Variants in STOX2 observed in about 807,000 individuals in gnomAD.
The protein encoded by STOX2 is storkhead box 2.
Under a neutral mutation model 60.9 loss-of-function variants are expected in STOX2, and 28 were observed. The ratio of observed to expected loss-of-function variants is 0.46; its 90% confidence interval spans 0.34 to 0.63. The LOEUF is 0.63. STOX2 is among the 30% of genes least tolerant of loss of function. The probability of loss-of-function intolerance (pLI) is 0.01; values close to 1 mark genes in which losing one functional copy is unlikely to be tolerated. For missense variants in STOX2, 1,024 were observed against 1,187.7 expected, an observed-to-expected ratio of 0.86 and a Z score of 2.03; for synonymous variants, 472 against 463.9, an observed-to-expected ratio of 1.02 and a Z score of -0.22.
At position 183,839,693 on chromosome 4, in the gene STOX2, A is replaced by G. The variant is rs183080924; in HGVS notation, c.364+41638A>G. On this transcript the variant is annotated intron_variant, in intron 1 of 2. Transcript: ENST00000513034. Reference sequence around the variant, plus strand: ...CTGTGTCCTCTTGACTTTGCATTTCATGTTCTTTTTCGGACATTCTGATAA... The same window carrying G: ...CTGTGTCCTCTTGACTTTGCATTTCGTGTTCTTTTTCGGACATTCTGATAA... Among the ~76,000 whole-genome samples, 4 of 152,322 alleles carry G rather than the reference A, an allele frequency of 2.6e-5. No homozygotes were observed. The East Asian group carries it at 7.7e-4, about 29-fold the overall frequency.
chr4:183,843,775 T>C (rs990707141), intron 1 of STOX2, among the ~76,000 whole-genome samples: 1 of 152,244 alleles, frequency 6.6e-6, no homozygotes. Flanking sequence ...GGTAATACCA[T>C]GAAAGAACAT....
intron 1 of STOX2, chr4:183,960,126 C>G (rs769188636): frequency 6.6e-6 from 1 of 152,226 alleles, no homozygotes; most frequent in Admixed American, 6.5e-5. Flanking sequence ...ACAAGTTCAG[C>G]AGGCTGCCAG....
At chr4:183,843,088 C>T (rs1430037689) in intron 1 of STOX2, among the ~76,000 whole-genome samples, 3 of 145,474 alleles carry the variant, frequency 2.1e-5, no homozygotes, top group Non-Finnish European at 4.4e-5. Flanking sequence ...GCAGAGGTTG[C>T]AGCGAGCCAA....
At chr4:183,824,174 T>G (rs1478263893) in intron 1 of STOX2, among the ~76,000 whole-genome samples, 2 of 152,226 alleles carry the variant, frequency 1.3e-5, no homozygotes, top group African/African-American at 4.8e-5. Context: ...AAAATAATTT[T>G]GGGATTAAAA....
chr4:183,869,888 G>A (rs1740648941), intron 1 of STOX2, among the ~76,000 whole-genome samples: 1 of 152,026 alleles, frequency 6.6e-6, no homozygotes, highest in African/African-American at 2.4e-5. Flanking sequence ...CTTCTTTTTT[G>A]TACTGTATTC....
In STOX2 at chr4:183,866,770, T is replaced by C. The variant is rs544608006; in HGVS notation, c.364+68715T>C. Among the ~76,000 whole-genome samples the C allele has an allele frequency of 2.0e-5, 3 of 152,210 alleles. No homozygotes were observed. The East Asian group carries it at 5.8e-4, about 29-fold the overall frequency. ...GGCTTATGCCTGTAGTCCCAGCACG[T>C]TGGGAGGCCAAGACGGGAGGAACAC... On this transcript the variant is annotated intron_variant, in intron 1 of 2. Transcript: ENST00000513034.
At chr4:183,888,416 G>A (rs1741131071) in intron 1 of STOX2, among the ~76,000 whole-genome samples, 1 of 152,196 alleles carries the variant, frequency 6.6e-6, no homozygotes, top group East Asian at 1.9e-4. Flanking sequence ...CAGCTAGTCA[G>A]TGGCTAGCGC....
At chr4:183,807,120 C>CG (rs1738916767) in intron 1 of STOX2, among the ~76,000 whole-genome samples, 1 of 152,058 alleles carries the variant, frequency 6.6e-6, no homozygotes, top group South Asian at 2.1e-4. Context: ...CTGCAGGCGA[C>CG]CACCACCACG....
intron 1 of STOX2, among the ~76,000 whole-genome samples, chr4:183,835,767 G>A (rs1024565844): frequency 6.6e-5 from 10 of 152,160 alleles, no homozygotes; most frequent in Non-Finnish European, 1.3e-4. Context: ...TCTGTGAGGG[G>A]AAAGATCTGG....
chr4:183,947,693 A>G (rs1742936989), intron 1 of STOX2, among the ~76,000 whole-genome samples: 1 of 152,060 alleles, frequency 6.6e-6, no homozygotes, highest in Non-Finnish European at 1.5e-5. Flanking sequence ...TGCCTGGAAC[A>G]CACCTCCCCT....
chr4:184,006,737 A>G (rs1733854358), intron 2 of STOX2, among the ~76,000 whole-genome samples: 1 of 149,848 alleles, frequency 6.7e-6, no homozygotes, highest in African/African-American at 2.5e-5. Flanking sequence ...TCTATTTTGT[A>G]CAGAAAGTAT....
intron 1 of STOX2, among the ~76,000 whole-genome samples, chr4:183,880,664 T>G (rs919933157): frequency 6.6e-6 from 1 of 152,136 alleles, no homozygotes; most frequent in Non-Finnish European, 1.5e-5. Context: ...TCTGATAAAA[T>G]GAGAGATGAA....
chr4:183,855,706 G>A (rs1051155324), intron 1 of STOX2, among the ~76,000 whole-genome samples: 7 of 152,180 alleles, frequency 4.6e-5, no homozygotes, highest in Non-Finnish European at 1.0e-4. Context: ...CGCTAAGTAG[G>A]CATAGTTGAT....
intron 1 of STOX2, among the ~76,000 whole-genome samples, chr4:183,970,311 G>A (rs546312052): frequency 1.6e-4 from 24 of 152,158 alleles, no homozygotes; most frequent in Admixed American, 1.3e-3. Context: ...GGTAGCCTTC[G>A]TTCTCTGAAG....
At chr4:183,987,397 T>G (rs1230937820) in intron 1 of STOX2, among the ~76,000 whole-genome samples, 1 of 152,186 alleles carries the variant, frequency 6.6e-6, no homozygotes, top group Admixed American at 6.5e-5. Flanking sequence ...ACGTGAGTGA[T>G]TCAGCCTGGG....
At chr4:183,851,292 A>AGAAAGGATGAGGGAAAGGATGAGG (rs1477812886) in intron 1 of STOX2, among the ~76,000 whole-genome samples, 7 of 25,392 alleles carry the variant, frequency 2.8e-4, no homozygotes, top group African/African-American at 4.3e-4. Context: ...AAAGGATGAG[A>AGAAAGGATGAGGGAAAGGATGAGG]GAAAGGATGA....
Position 183,906,829 on chromosome 4 carries a change from G to C in STOX2, c.39G>C (p.Trp13Cys), listed in dbSNP as rs1741629900. ...GGAGCACAACCTTGCGGCGAGCCTG[G>C]CCTAGCTCGGATTTCTCGGACCGGG... The part of the protein sequence containing the change: ...KTRSTTLRRA[W>C]PSSDFSDRAS... The change falls in exon 1 of 4, where the codon TGG becomes TGC. Residue 13 changes from tryptophan (W) to cysteine (C), a missense_variant. Transcript: ENST00000308497. 6.4e-7 allele frequency: 1 copy of C among 1,557,404 alleles called. No individual in the cohort carries two copies. The highest frequency in any genetic ancestry group is 8.7e-7 in the Non-Finnish European group (1 of 1,150,766).
chr4:183,860,442 C>CAAAAAAAAAAAAAAAAAAAAAACA (rs35753992), intron 1 of STOX2, among the ~76,000 whole-genome samples: 1 of 121,492 alleles, frequency 8.2e-6, no homozygotes, highest in African/African-American at 3.0e-5. Context: ...AAACAAAAAA[C>CAAAAAAAAAAAAAAAAAAAAAACA]AAAAAAAAAA....
At chr4:183,954,478 C>G (rs192707713) in intron 1 of STOX2, among the ~76,000 whole-genome samples, 12 of 151,780 alleles carry the variant, frequency 7.9e-5, no homozygotes, top group African/African-American at 2.7e-4. Flanking sequence ...TTAGTAGAGA[C>G]GGGGTTTCAC....
Sources: gnomAD v4.1 joint callset for allele counts (sites outside exome capture counted in the v4.1 genomes callset) on GRCh38, gnomAD v4.1.1 for gene constraint, MANE v1.5 for transcripts, NCBI Gene and HGNC (gene_info 2026-07-23, HGNC 2026-07-21) for gene names.